GRIN2A: variants seen among roughly 807,000 people sequenced by gnomAD.
GRIN2A encodes glutamate receptor ionotropic, NMDA 2A.
GRIN2A carries 22 observed loss-of-function variants against 113.4 expected under a neutral mutation model. That is an observed-to-expected ratio of 0.19 (90% CI 0.14 to 0.28). The LOEUF (loss-of-function observed/expected upper bound fraction) is 0.28, where lower values mean the gene tolerates loss of function less well. Ranked by LOEUF, GRIN2A falls within the 10% of genes least tolerant of loss-of-function variation. The pLI is 1.00. For synonymous variants in GRIN2A, 827 were observed against 738.4 expected, an observed-to-expected ratio of 1.12 and a Z score of -1.94; for missense variants, 1,502 against 1,887.0, an observed-to-expected ratio of 0.80 and a Z score of 3.78.
At chr16:10,047,306 C>T (rs764565522) in intron 2 of GRIN2A, among the ~76,000 whole-genome samples, 2 of 152,128 alleles carry the variant, frequency 1.3e-5, no homozygotes, top group African/African-American at 2.4e-5. Flanking sequence ...GTTACTGTCT[C>T]GATCTCAGTT....
intron 3 of GRIN2A, among the ~76,000 whole-genome samples, chr16:9,902,968 G>A (rs12926220): frequency 1.2e-5 from 1 of 84,078 alleles, no homozygotes; most frequent in African/African-American, 4.3e-5. Context: ...TTGGCGGGGG[G>A]GTGGGGGGGT....
At chr16:9,908,811 A>C (rs2044077274) in intron 3 of GRIN2A, among the ~76,000 whole-genome samples, 1 of 152,208 alleles carries the variant, frequency 6.6e-6, no homozygotes, top group Admixed American at 6.5e-5. Flanking sequence ...GGCGAGCAGC[A>C]AACAGGAAGG....
intron 10 of GRIN2A, among the ~76,000 whole-genome samples, chr16:9,821,983 A>G: frequency 6.6e-6 from 1 of 152,226 alleles, no homozygotes; most frequent in Non-Finnish European, 1.5e-5. Flanking sequence ...TTGTTAAAAT[A>G]TCCTATGGAG....
intron 2 of GRIN2A, among the ~76,000 whole-genome samples, chr16:10,027,397 G>A (rs145080352): frequency 6.6e-6 from 1 of 152,134 alleles, no homozygotes; most frequent in African/African-American, 2.4e-5. Context: ...TCCAAGGAAC[G>A]TTCATCCTGC....
In GRIN2A at chr16:9,763,672, G is replaced by A. The variant is rs1325032512; in HGVS notation, c.3872C>T (p.Ser1291Phe). ...KNKLRISRQH[S>F]YDNIVDKPRE... ...AGGTTTGTCGACAATGTTATCGTAG[G>A]AATGCTGACGGCTAATCCTTAGCTT... The change falls in exon 13 of 13, where the codon TCC (serine) becomes TTC (phenylalanine). Residue 1291 changes from serine to phenylalanine, a missense_variant. By Grantham distance (155) the Ser-to-Phe change is radical (BLOSUM62 -2). Coordinates refer to ENST00000330684, the MANE Select transcript of GRIN2A (RefSeq NM_001134407.3). 1.2e-6 allele frequency: 2 copies of A among 1,613,760 alleles called. No homozygotes were observed. The highest frequency in any genetic ancestry group is 1.1e-5 in the South Asian group (1 of 91,078).
intron 2 of GRIN2A, among the ~76,000 whole-genome samples, chr16:10,006,503 G>C (rs2046406742): frequency 6.6e-6 from 1 of 152,088 alleles, no homozygotes; most frequent in African/African-American, 2.4e-5. Flanking sequence ...AATGTTATGG[G>C]TACATAGTGG....
At chr16:10,137,582 A>G (rs891967548) in intron 2 of GRIN2A, among the ~76,000 whole-genome samples, 13 of 152,340 alleles carry the variant, frequency 8.5e-5, no homozygotes, top group Admixed American at 2.0e-4. Context: ...TATTCCCGTC[A>G]GCTGGCTGTA....
chr16:9,840,874 A>T (rs1416712452), intron 6 of GRIN2A, 62 bp downstream of exon 6: 2 of 1,603,468 alleles, frequency 1.2e-6, no homozygotes, highest in African/African-American at 2.7e-5. Flanking sequence ...TCCTGCTAAC[A>T]TTCCTGAGGA....
intron 2 of GRIN2A, among the ~76,000 whole-genome samples, chr16:10,045,401 G>A (rs2047240541): frequency 2.3e-5 from 3 of 128,222 alleles, no homozygotes; most frequent in Admixed American, 8.4e-5. Flanking sequence ...TCTCTCTCAG[G>A]CCTCTTGCAA....
At chr16:10,101,968 G>A (rs1009120465) in intron 2 of GRIN2A, among the ~76,000 whole-genome samples, 4 of 152,178 alleles carry the variant, frequency 2.6e-5, no homozygotes, top group East Asian at 1.9e-4. Context: ...AAAACATGGT[G>A]GTAATCCTAG....
At chr16:10,176,185 T>C (rs543498341) in intron 2 of GRIN2A, among the ~76,000 whole-genome samples, 17 of 151,956 alleles carry the variant, frequency 1.1e-4, no homozygotes, top group African/African-American at 3.9e-4. Flanking sequence ...TTTGTATTTT[T>C]GTAGAGATGG....
intron 4 of GRIN2A, among the ~76,000 whole-genome samples, chr16:9,859,938 C>T (rs1037378810): frequency 2.6e-5 from 4 of 151,746 alleles, no homozygotes; most frequent in East Asian, 1.9e-4. Flanking sequence ...TCCACTGTGC[C>T]GGGTAATACT....
intron 2 of GRIN2A, among the ~76,000 whole-genome samples, chr16:10,166,221 C>G (rs2049920079): frequency 6.6e-6 from 1 of 152,110 alleles, no homozygotes; most frequent in African/African-American, 2.4e-5. Context: ...TTTGAAGAGA[C>G]AAGATAGAGC....
chr16:10,096,539 AACACACACACACAC>A lies in GRIN2A; in HGVS notation c.414+83445_414+83458del, dbSNP rs59351819. Among the ~76,000 whole-genome samples, 44 of 137,754 alleles carry A rather than the reference AACACACACACACAC, an allele frequency of 3.2e-4. 1 individual carries two copies. The South Asian group carries it at 0.011, about 34-fold the overall frequency. The allele number at this position is 137,754 out of a possible 152,430, so 90.4% of individuals were successfully genotyped here. On this transcript the variant is annotated intron_variant, in intron 2 of 12. Transcript: ENST00000330684. ...TTCAATTTTTTTTAAATTGTGGTAA[AACACACACACACAC>A]ACACACACACACACACACACTTTAC...
At chr16:9,779,382 C>A (rs1901805054) in intron 11 of GRIN2A, among the ~76,000 whole-genome samples, 1 of 152,168 alleles carries the variant, frequency 6.6e-6, no homozygotes, top group South Asian at 2.1e-4. Flanking sequence ...TCAACAAGTT[C>A]CTTGAAGCTG....
Position 9,756,313 on chromosome 16 carries a change from G to C in GRIN2A, c.*6836C>G, listed in dbSNP as rs2141110998. 4.4e-6 allele frequency: 1 copy of C among 229,772 alleles called. No homozygotes were observed. Among genetic ancestry groups the C allele is most frequent in the East Asian group, 6.2e-5 (1 of 16,178 alleles). 14.2% of individuals were successfully genotyped at this position (229,772 alleles called of 1,614,324 possible). Reference sequence around the variant, plus strand: ...TTTTAAATGCTAAGTGCAAGCATATGAAAGGGAGACACAAACAGTGTTCAA... The same window carrying C: ...TTTTAAATGCTAAGTGCAAGCATATCAAAGGGAGACACAAACAGTGTTCAA... On this transcript the variant is annotated 3_prime_UTR_variant, in exon 13 of 13. Transcript: ENST00000330684.
chr16:9,837,313 A>G (rs1032661719), intron 7 of GRIN2A, among the ~76,000 whole-genome samples: 1 of 152,214 alleles, frequency 6.6e-6, no homozygotes, highest in Non-Finnish European at 1.5e-5. Context: ...AATTTATTTT[A>G]CTTTTAAAAA....
At chr16:9,985,141 G>T (rs540618632) in intron 2 of GRIN2A, among the ~76,000 whole-genome samples, 8 of 152,246 alleles carry the variant, frequency 5.3e-5, no homozygotes, top group African/African-American at 1.7e-4. Context: ...CTCTAGGTGT[G>T]CTTCTCAGTT....
rs74008830 is a variant in GRIN2A, at chr16:9,822,666, T to C, written c.2008-242A>G. On this transcript the variant is annotated intron_variant, in intron 9 of 12. Transcript: ENST00000330684. ...CAGCATCTGTTTTCTTCTGTACTAC[T>C]GCTCAGATCCTAGCACAGAGCCCGG... 5.0e-3 allele frequency among the ~76,000 whole-genome samples: 764 copies of C among 152,288 alleles called. 8 individuals are homozygous for C. Among genetic ancestry groups the C allele is most frequent in the African/African-American group, 0.017 (721 of 41,560 alleles).
Sources: gnomAD v4.1 joint callset for allele counts (sites outside exome capture counted in the v4.1 genomes callset) on GRCh38, gnomAD v4.1.1 for gene constraint, MANE v1.5 for transcripts, NCBI Gene and HGNC (gene_info 2026-07-23, HGNC 2026-07-21) for gene names.